The following IVD variants were observed in gnomAD, a reference collection of about 807,000 sequenced individuals.
IVD encodes isovaleryl-CoA dehydrogenase.
Under a neutral mutation model 51.3 loss-of-function variants are expected in IVD, and 31 were observed. That is an observed-to-expected ratio of 0.60 (90% CI 0.45 to 0.81). IVD has a LOEUF of 0.81. Ranked by LOEUF, IVD falls within the 40% of genes least tolerant of loss-of-function variation. The pLI is 0.00. For synonymous variants in IVD, 205 were observed against 219.4 expected, an observed-to-expected ratio of 0.93 and a Z score of 0.58; for missense variants, 475 against 552.0, an observed-to-expected ratio of 0.86 and a Z score of 1.40.
chr15:40,427,711 T>C (rs1361179840), downstream of IVD, among the ~76,000 whole-genome samples: 2 of 152,188 alleles, frequency 1.3e-5, no homozygotes, highest in East Asian at 3.8e-4. Context: ...TACTATAAGA[T>C]ATATTAAGAT....
At chr15:40,425,374 T>A (rs1174090925), downstream of IVD, among the ~76,000 whole-genome samples, 1 of 151,776 alleles carries the variant, frequency 6.6e-6, no homozygotes, top group Non-Finnish European at 1.5e-5. Context: ...TTCCTGCCTC[T>A]GTATAGATCC....
downstream of IVD, among the ~76,000 whole-genome samples, chr15:40,428,492 C>T (rs1013407336): frequency 6.6e-6 from 1 of 152,116 alleles, no homozygotes; most frequent in Non-Finnish European, 1.5e-5. Flanking sequence ...CCCTCCCTCC[C>T]TAGGAGGCTG....
chr15:40,407,741 CGGGCAGTCGG>C lies in IVD; in HGVS notation c.234+25_234+34del, dbSNP rs1890606143. ...GAACCTGCGAGTGAGTTGGGAGGTC[CGGGCAGTCGG>C]GGGCAGTCAGGGAGTGGGGCTGAGC... is the stretch of plus-strand genomic sequence containing the variant. On this transcript the variant is annotated intron_variant, in intron 2 of 11. Coordinates refer to ENST00000487418, the MANE Select transcript of IVD (RefSeq NM_002225.5). 2 of 1,607,602 alleles carry C rather than the reference CGGGCAGTCGG, an allele frequency of 1.2e-6. No individual in the cohort carries two copies. The highest frequency in any genetic ancestry group is 2.2e-5 in the East Asian group (1 of 44,848).
At position 40,418,389 on chromosome 15, in the gene IVD, C is replaced by T; in HGVS notation, c.*126C>T. ...CAGCTGCTCTTGTCAGCCCTCTGGC[C>T]TCTGGATGAGGTTGAGTTCTCCACA... is the stretch of plus-strand genomic sequence containing the variant. On this transcript the variant is annotated 3_prime_UTR_variant, in exon 12 of 12. Coordinates refer to ENST00000487418, the MANE Select transcript of IVD (RefSeq NM_002225.5). 1 of 1,584,242 alleles carries T rather than the reference C, an allele frequency of 6.3e-7. No individual in the cohort carries two copies. The highest frequency in any genetic ancestry group is 1.7e-5 in the Admixed American group (1 of 57,966).
chr15:40,408,832 C>T (rs1322283423), intron 3 of IVD, among the ~76,000 whole-genome samples: 1 of 152,106 alleles, frequency 6.6e-6, no homozygotes, highest in East Asian at 1.9e-4. Context: ...TCCCTGTAAT[C>T]CCAGCTACTC....
chr15:40,413,367 A>G (rs1177384475), intron 7 of IVD, among the ~76,000 whole-genome samples: 2 of 152,242 alleles, frequency 1.3e-5, no homozygotes, highest in African/African-American at 2.4e-5. Context: ...GATGTCCTTC[A>G]GTCTTCCTGT....
chr15:40,420,152 G>T lies in IVD; in HGVS notation c.*1889G>T, dbSNP rs546693286. On this transcript the variant is annotated 3_prime_UTR_variant, in exon 12 of 12. Transcript: ENST00000487418. ...ACACACATGCTGCTGAGTCCGCAGG[G>T]GGGGCAGAGCAGAGGACAGCGTGCT... The T allele has an allele frequency of 9.1e-6, 9 of 985,610 alleles. No individual in the cohort carries two copies. The highest frequency in any genetic ancestry group is 9.6e-6 in the Non-Finnish European group (8 of 830,162). The allele number at this position is 985,610 out of a possible 1,614,324, so 61.1% of individuals were successfully genotyped here. A position where few individuals can be genotyped will look rare whatever the true frequency, so the allele number is the denominator to read the frequency against.
At chr15:40,429,511 C>A (rs12909456) in intron 7 of IVD, among the ~76,000 whole-genome samples, 10 of 152,316 alleles carry the variant, frequency 6.6e-5, no homozygotes, top group African/African-American at 2.4e-4. Flanking sequence ...TCTACACGCC[C>A]ACCTGTCTCT....
In IVD at chr15:40,410,743, C is replaced by T. The variant is rs1357609658; in HGVS notation, c.402C>T (p.Ile134=). The change falls in exon 4 of 12, where the codon ATC becomes ATT. Residue 134 remains isoleucine, a synonymous_variant. Coordinates refer to ENST00000487418, the MANE Select transcript of IVD (RefSeq NM_002225.5). ...LSYGAHSNLC[I]NQLVRNGNEA... ...ACGGTGCCCACTCCAACCTCTGCATCAACCAGCTTGTACGCAATGGGAATG... is the reference window on the plus strand; with the variant it reads ...ACGGTGCCCACTCCAACCTCTGCATTAACCAGCTTGTACGCAATGGGAATG... The T allele has an allele frequency of 6.2e-7, 1 of 1,614,210 alleles. No individual in the cohort carries two copies. The highest frequency in any genetic ancestry group is 1.1e-5 in the South Asian group (1 of 91,088).
chr15:40,427,766 G>A (rs142706969), downstream of IVD, among the ~76,000 whole-genome samples: 333 of 152,288 alleles, frequency 2.2e-3, 1 homozygote, highest in African/African-American at 7.7e-3. Context: ...AAAGGGTAGT[G>A]AAGGAAGACT....
intron 7 of IVD, among the ~76,000 whole-genome samples, chr15:40,431,694 CA>C (rs879745097): frequency 2.6e-3 from 331 of 127,768 alleles, no homozygotes; most frequent in Middle Eastern, 3.9e-3. Context: ...GACTCCATCT[CA>C]AAAAAAAAAA....
At chr15:40,410,850 A>G in intron 4 of IVD, 53 bp downstream of exon 4, 1 of 1,596,446 alleles carries the variant, frequency 6.3e-7, no homozygotes, top group Non-Finnish European at 8.6e-7. Flanking sequence ...ACCACCAACT[A>G]AAAGATACCC....
rs138224350 is a variant in IVD at position 40,412,958 on chromosome 15, T to G, written c.688-33T>G. Reference sequence around the variant, plus strand: ...TTACCAGGCCCCCTTGGGGCTAATCTGTAACCAGGACCACCTTTTGTTTCC... The same window carrying G: ...TTACCAGGCCCCCTTGGGGCTAATCGGTAACCAGGACCACCTTTTGTTTCC... On this transcript the variant is annotated intron_variant, in intron 6 of 11. Coordinates refer to ENST00000487418, the MANE Select transcript of IVD (RefSeq NM_002225.5). 12 of 1,591,378 alleles carry G rather than the reference T, an allele frequency of 7.5e-6. No individual in the cohort carries two copies. The African/African-American group carries it at 1.2e-4, about 16-fold the overall frequency.
In IVD at chr15:40,413,244, C is replaced by T. The variant is rs76568838; in HGVS notation, c.784+157C>T. ...GCTGTGAGCTGGGGCTGCTGGACAG[C>T]GCTCCTTCCTGGCCAGGGCCCTGCA... is the stretch of plus-strand genomic sequence containing the variant. On this transcript the variant is annotated intron_variant, in intron 7 of 11. Transcript: ENST00000487418. 604 of 695,514 alleles carry T rather than the reference C, an allele frequency of 8.7e-4. 3 individuals carry two copies. In the African/African-American group the frequency reaches 9.5e-3, roughly 11 times the overall value. 43.1% of individuals were successfully genotyped at this position (695,514 alleles called of 1,614,324 possible). A position where few individuals can be genotyped will look rare whatever the true frequency, so the allele number is the denominator to read the frequency against.
Position 40,411,671 on chromosome 15 carries a change from A to G in IVD, c.667A>G (p.Thr223Ala), listed in dbSNP as rs1311788750. The change falls in exon 6 of 12, where the codon ACA becomes GCA. Residue 223 changes from threonine to alanine, a missense_variant. Physicochemically the swap from Thr to Ala is moderately conservative, Grantham distance 58. Coordinates refer to ENST00000487418, the MANE Select transcript of IVD (RefSeq NM_002225.5). ...TGCTGTGCCAGCTTCTCGGGGCATC[A>G]CAGCCTTCATTGTGGAGAAGGTGAG... is the stretch of plus-strand genomic sequence containing the variant. The part of the protein sequence containing the change: ...LAAVPASRGI[T>A]AFIVEKGMPG... 3 of 1,614,190 alleles carry G rather than the reference A, an allele frequency of 1.9e-6. No homozygotes were observed. The highest frequency in any genetic ancestry group is 2.7e-5 in the African/African-American group (2 of 75,036).
In IVD at chr15:40,418,924, G is replaced by T; in HGVS notation, c.*661G>T. 1 of 507,938 alleles carries T rather than the reference G, an allele frequency of 2.0e-6. No individual in the cohort carries two copies. Among genetic ancestry groups the T allele is most frequent in the South Asian group, 2.1e-5 (1 of 47,036 alleles). 31.5% of individuals were successfully genotyped at this position (507,938 alleles called of 1,614,324 possible). On this transcript the variant is annotated 3_prime_UTR_variant, in exon 12 of 12. Transcript: ENST00000487418. ...GAGATGGGTGGATCACCTGAGGTCA[G>T]GAGTTCAAGACCAGCCTGGCCAACA...
chr15:40,423,644 TAG>T (rs1209946856), downstream of IVD, among the ~76,000 whole-genome samples: 1 of 151,756 alleles, frequency 6.6e-6, no homozygotes, highest in Admixed American at 6.6e-5. Flanking sequence ...GTATTTTTAG[TAG>T]AGACAGGGTT....
intron 3 of IVD, among the ~76,000 whole-genome samples, chr15:40,409,475 T>A (rs1890817623): frequency 6.6e-6 from 1 of 152,148 alleles, no homozygotes; most frequent in African/African-American, 2.4e-5. Flanking sequence ...GGTTACAAGT[T>A]CTGGTTTCTG....
chr15:40,435,424 CT>C lies in IVD; in HGVS notation c.792del (p.Ser265ProfsTer21), dbSNP rs964385319. Reference sequence around the variant, plus strand: ...GGGCTCTCTTTCCCCTAGGGCAGACCTTTTCCGCCCAACACCCACCTGGGAG... The same window carrying C: ...GGGCTCTCTTTCCCCTAGGGCAGACCTTTCCGCCCAACACCCACCTGGGAG... On this transcript the variant is annotated frameshift_variant, in exon 9 of 9. Coordinates refer to the IVD transcript ENST00000473112. LOFTEE classifies it low-confidence loss of function (END_TRUNC). The C allele has an allele frequency of 1.6e-5, 19 of 1,204,842 alleles. No individual in the cohort carries two copies. The highest frequency in any genetic ancestry group is 1.4e-4 in the East Asian group (2 of 14,602). 74.6% of individuals were successfully genotyped at this position (1,204,842 alleles called of 1,614,324 possible).
Sources: allele counts gnomAD v4.1 joint callset (sites outside exome capture counted in the v4.1 genomes callset), GRCh38; gene constraint gnomAD v4.1.1; transcripts MANE v1.5; gene names NCBI Gene and HGNC (gene_info 2026-07-23, HGNC 2026-07-21).